The following CHST13 variants were observed in gnomAD, a reference collection of about 807,000 sequenced individuals.
CHST13 encodes the protein carbohydrate sulfotransferase 13.
Under a neutral mutation model 7.0 loss-of-function variants are expected in CHST13, and 1 was observed. The observed-to-expected ratio is 0.14, with a 90% CI of 0.05 to 0.68. The LOEUF (loss-of-function observed/expected upper bound fraction) is 0.68, where lower values mean the gene tolerates loss of function less well. CHST13 is among the 30% of genes least tolerant of loss of function. The pLI is 0.82. For synonymous variants in CHST13, 257 were observed against 240.9 expected, an observed-to-expected ratio of 1.07 and a Z score of -0.62; for missense variants, 572 against 507.9, an observed-to-expected ratio of 1.13 and a Z score of -1.21.
chr3:126,532,558 C>T (rs1936680660), intron 1 of CHST13, among the ~76,000 whole-genome samples: 1 of 152,212 alleles, frequency 6.6e-6, no homozygotes, highest in Non-Finnish European at 1.5e-5. Flanking sequence ...TTGGCTCCCT[C>T]ATCAATAATC....
chr3:126,542,211 G>A lies in CHST13; in HGVS notation c.659G>A (p.Gly220Asp). 2 of 1,458,016 alleles carry A rather than the reference G, an allele frequency of 1.4e-6. No homozygotes were observed. The highest frequency in any genetic ancestry group is 1.8e-4 in the Middle Eastern group (1 of 5,440). The allele number at this position is 1,458,016 out of a possible 1,614,324, so 90.3% of individuals were successfully genotyped here. ...PRALPDARARGHDVRFAEFLA... is the reference protein window; with the variant it reads ...PRALPDARARDHDVRFAEFLA... ...GCGCTCCCCGACGCCCGGGCCCGCGGCCACGACGTGCGCTTCGCGGAGTTC... is the reference window on the plus strand; with the variant it reads ...GCGCTCCCCGACGCCCGGGCCCGCGACCACGACGTGCGCTTCGCGGAGTTC... The change falls in exon 3 of 3, where the codon GGC (glycine) becomes GAC (aspartate). Residue 220 changes from glycine (G) to aspartate (D), a missense_variant. Transcript: ENST00000319340.
chr3:126,532,841 T>C (rs1238158030), intron 1 of CHST13, among the ~76,000 whole-genome samples: 1 of 152,232 alleles, frequency 6.6e-6, no homozygotes, highest in African/African-American at 2.4e-5. Flanking sequence ...AAAGAATCTG[T>C]AGATGACTTT....
Position 126,524,328 on chromosome 3 carries a change from A to C in CHST13, c.-5A>C. 8.1e-7 allele frequency: 1 copy of C among 1,234,656 alleles called. No homozygotes were observed. Among genetic ancestry groups the C allele is most frequent in the Non-Finnish European group, 1.0e-6 (1 of 989,598 alleles). 76.5% of individuals were successfully genotyped at this position (1,234,656 alleles called of 1,614,324 possible). A position where few individuals can be genotyped will look rare whatever the true frequency, so the allele number is the denominator to read the frequency against. Reference sequence around the variant, plus strand: ...GACTGTCCTCCGCCGCGCGCCCGGCACAGCATGGGGAGGCGCTGCTGCCGG... The same window carrying C: ...GACTGTCCTCCGCCGCGCGCCCGGCCCAGCATGGGGAGGCGCTGCTGCCGG... On this transcript the variant is annotated 5_prime_UTR_variant, in exon 1 of 3. Transcript: ENST00000319340.
chr3:126,529,388 G>A (rs1323891600), intron 1 of CHST13: 1 of 1,289,112 alleles, frequency 7.8e-7, no homozygotes, highest in Admixed American at 2.3e-5. Flanking sequence ...GATGCCGCAA[G>A]GGGGGACAGG....
chr3:126,536,947 C>T lies in CHST13; in HGVS notation c.180+594C>T, dbSNP rs1019079211. Among the ~76,000 whole-genome samples the T allele has an allele frequency of 3.3e-5, 5 of 151,284 alleles. 1 individual carries two copies. The highest frequency in any genetic ancestry group is 1.2e-4 in the African/African-American group (5 of 41,070). On this transcript the variant is annotated intron_variant, in intron 2 of 2. Coordinates refer to ENST00000319340, the MANE Select transcript of CHST13 (RefSeq NM_152889.3). Reference sequence around the variant, plus strand: ...CACCCCACACACACAAGTACTTATTCGGACAGCACATATTGAGCACCTACT... The same window carrying T: ...CACCCCACACACACAAGTACTTATTTGGACAGCACATATTGAGCACCTACT...
intron 2 of CHST13, among the ~76,000 whole-genome samples, chr3:126,540,176 C>T (rs749017590): frequency 6.6e-6 from 1 of 152,130 alleles, no homozygotes; most frequent in Admixed American, 6.5e-5. Context: ...CTCCAAAGGC[C>T]GCTTTGGCCT....
chr3:126,536,002 C>T (rs1455448593), intron 1 of CHST13, among the ~76,000 whole-genome samples: 2 of 152,192 alleles, frequency 1.3e-5, no homozygotes, highest in African/African-American at 2.4e-5. Flanking sequence ...ATCACCTTCC[C>T]ACTTGTCCCC....
At position 126,542,252 on chromosome 3, in the gene CHST13, G is replaced by A; in HGVS notation, c.700G>A (p.Asp234Asn). 6.5e-7 allele frequency: 1 copy of A among 1,541,982 alleles called. No individual in the cohort carries two copies. Among genetic ancestry groups the A allele is most frequent in the Non-Finnish European group, 8.7e-7 (1 of 1,151,446 alleles). The change falls in exon 3 of 3, where the codon GAC becomes AAC. Residue 234 changes from aspartate to asparagine, a missense_variant. Coordinates refer to ENST00000319340, the MANE Select transcript of CHST13 (RefSeq NM_152889.3). ...RFAEFLAYLL[D>N]PRTRREEPFN... ...CGCGGAGTTCCTGGCCTACCTGCTG[G>A]ACCCGCGCACGCGGCGTGAGGAGCC...
At chr3:126,529,347 G>A (rs1427697278) in intron 1 of CHST13, 5 of 1,289,206 alleles carry the variant, frequency 3.9e-6, no homozygotes, top group South Asian at 2.5e-5. Flanking sequence ...ATTTCCTCAT[G>A]GGTCAGTGAA....
chr3:126,536,389 C>G (rs1204577768), intron 2 of CHST13, 36 bp downstream of exon 2: 2 of 1,540,372 alleles, frequency 1.3e-6, no homozygotes, highest in South Asian at 2.3e-5. Flanking sequence ...GCATGCCCCC[C>G]TCCATCCCAG....
At chr3:126,540,191 T>C (rs533376736) in intron 2 of CHST13, among the ~76,000 whole-genome samples, 1 of 152,164 alleles carries the variant, frequency 6.6e-6, no homozygotes, top group Non-Finnish European at 1.5e-5. Context: ...TGGCCTCCTC[T>C]GAAATGGAAA....
chr3:126,531,256 G>A (rs1936654061), intron 1 of CHST13, among the ~76,000 whole-genome samples: 2 of 152,230 alleles, frequency 1.3e-5, no homozygotes, highest in African/African-American at 4.8e-5. Context: ...GGATTCTTGA[G>A]TTTAATGGGC....
chr3:126,528,646 G>A (rs1370139947), intron 1 of CHST13, among the ~76,000 whole-genome samples: 2 of 152,150 alleles, frequency 1.3e-5, no homozygotes, highest in East Asian at 3.9e-4. Flanking sequence ...AGGTGGAAGT[G>A]GGGTCCGGAG....
At chr3:126,541,655 C>A in intron 2 of CHST13, 78 bp from the exon 3 acceptor site, 2 of 1,309,436 alleles carry the variant, frequency 1.5e-6, no homozygotes, top group Non-Finnish European at 2.0e-6. Context: ...CCGGGCGCAT[C>A]CCGCCGGGGC....
At position 126,529,414 on chromosome 3, in the gene CHST13, G is replaced by T. The variant is rs1263197391; in HGVS notation, c.97+4985G>T. ...GGGGGACAGGTGTCAGGACAAGGGG[G>T]CACCCAGAGGCAGGGCAGCATGGGT... On this transcript the variant is annotated intron_variant, in intron 1 of 2. Coordinates refer to ENST00000319340, the MANE Select transcript of CHST13 (RefSeq NM_152889.3). The T allele has an allele frequency of 3.1e-6, 4 of 1,287,636 alleles. No homozygotes were observed. In the Admixed American group the frequency reaches 9.2e-5, roughly 30 times the overall value. 79.8% of individuals were successfully genotyped at this position (1,287,636 alleles called of 1,614,324 possible).
chr3:126,540,781 C>T (rs1936941793), intron 2 of CHST13, among the ~76,000 whole-genome samples: 1 of 152,168 alleles, frequency 6.6e-6, no homozygotes, highest in South Asian at 2.1e-4. Flanking sequence ...TGAGGAACTG[C>T]CAAACTGCTT....
At position 126,529,890 on chromosome 3, in the gene CHST13, C is replaced by T. The variant is rs908653076; in HGVS notation, c.97+5461C>T. 1.1e-4 allele frequency among the ~76,000 whole-genome samples: 17 copies of T among 152,252 alleles called. No homozygotes were observed. The East Asian group carries it at 1.2e-3, about 10-fold the overall frequency. Reference sequence around the variant, plus strand: ...GGATGGGCCCTCCTGGGCTACACTGCCTGGCTCTCCCTGTTCTGTCTGCTC... The same window carrying T: ...GGATGGGCCCTCCTGGGCTACACTGTCTGGCTCTCCCTGTTCTGTCTGCTC... On this transcript the variant is annotated intron_variant, in intron 1 of 2. Coordinates refer to ENST00000319340, the MANE Select transcript of CHST13 (RefSeq NM_152889.3).
intron 2 of CHST13, among the ~76,000 whole-genome samples, chr3:126,537,924 G>C (rs1315118565): frequency 1.3e-5 from 2 of 152,196 alleles, no homozygotes; most frequent in African/African-American, 2.4e-5. Context: ...CTATGGACTA[G>C]AGCCAGCAAG....
intron 1 of CHST13, among the ~76,000 whole-genome samples, chr3:126,532,580 A>G (rs1420032850): frequency 6.6e-6 from 1 of 152,174 alleles, no homozygotes; most frequent in Non-Finnish European, 1.5e-5. Flanking sequence ...ACTGACCACA[A>G]ATGTAAGGGT....
Sources: allele counts gnomAD v4.1 joint callset (sites outside exome capture counted in the v4.1 genomes callset), GRCh38; gene constraint gnomAD v4.1.1; transcripts MANE v1.5; gene names NCBI Gene and HGNC (gene_info 2026-07-23, HGNC 2026-07-21).